DOCK1: variants seen among roughly 807,000 people sequenced by gnomAD.
The protein encoded by DOCK1 is dedicator of cytokinesis 1, also known as dedicator of cytokinesis protein 1.
A neutral mutation model predicts 262.7 loss-of-function variants in DOCK1; 138 were observed. That is an observed-to-expected ratio of 0.53 (90% CI 0.46 to 0.61). The LOEUF (loss-of-function observed/expected upper bound fraction) is 0.61. Among genes scored for constraint, DOCK1 ranks in the 20% least tolerant of loss-of-function variants. The pLI is 0.00. For missense variants in DOCK1, 1,908 were observed against 2,370.7 expected, an observed-to-expected ratio of 0.80 and a Z score of 4.05; for synonymous variants, 866 against 867.4, an observed-to-expected ratio of 1.00 and a Z score of 0.03.
chr10:127,138,027 AAGAG>A, intron 27 of DOCK1: 2 of 1,601,066 alleles, frequency 1.2e-6, no homozygotes, highest in South Asian at 1.1e-5. Flanking sequence ...CACACTAGAA[AAGAG>A]AGAGAGTGAA....
At chr10:126,969,244 G>A (rs1256295058) in intron 1 of DOCK1, among the ~76,000 whole-genome samples, 1 of 152,236 alleles carries the variant, frequency 6.6e-6, no homozygotes, top group Non-Finnish European at 1.5e-5. Context: ...AGAGCAGATC[G>A]TTTGCCAGAG....
intron 29 of DOCK1, among the ~76,000 whole-genome samples, chr10:127,262,988 C>T (rs2060228610): frequency 6.6e-6 from 1 of 152,196 alleles, no homozygotes; most frequent in Non-Finnish European, 1.5e-5. Flanking sequence ...CACCCCAGAG[C>T]CGTGCCTGAG....
At chr10:127,312,436 C>T (rs573677054) in intron 29 of DOCK1, among the ~76,000 whole-genome samples, 221 of 152,322 alleles carry the variant, frequency 1.5e-3, no homozygotes, top group Non-Finnish European at 2.6e-3. Flanking sequence ...TTCTGCAGGG[C>T]ACAGGCTGCT....
chr10:127,331,058 G>A (rs775209853), intron 29 of DOCK1, among the ~76,000 whole-genome samples: 8 of 151,438 alleles, frequency 5.3e-5, no homozygotes, highest in Non-Finnish European at 1.0e-4. Flanking sequence ...CGTGGAAACT[G>A]CAAAGAGGGA....
At chr10:127,025,067 G>A (rs887213252) in intron 15 of DOCK1, 3 of 249,996 alleles carry the variant, frequency 1.2e-5, no homozygotes, top group Non-Finnish European at 2.3e-5. Context: ...TGTTTTATGT[G>A]TGGCATGCTG....
chr10:127,158,665 A>G (rs1310311878), intron 27 of DOCK1, among the ~76,000 whole-genome samples: 1 of 152,124 alleles, frequency 6.6e-6, no homozygotes, highest in Non-Finnish European at 1.5e-5. Flanking sequence ...GTGGACAAAA[A>G]CCCTGACAGG....
At chr10:127,088,960 A>G (rs2047355228) in intron 23 of DOCK1, among the ~76,000 whole-genome samples, 1 of 152,082 alleles carries the variant, frequency 6.6e-6, no homozygotes, top group Admixed American at 6.5e-5. Flanking sequence ...TTAGTGCACC[A>G]GGGGTCTGGA....
chr10:126,970,804 ATC>A lies in DOCK1; in HGVS notation c.130+21_130+22del, dbSNP rs1419763624. 2.5e-6 allele frequency: 4 copies of A among 1,608,804 alleles called. No individual in the cohort carries two copies. The highest frequency in any genetic ancestry group is 8.5e-7 in the Non-Finnish European group (1 of 1,176,640). ...TATGAAGGTGCGTATGCATCTTGGT[ATC>A]TTTTCTCTTACATTTTGGGCAGATG... On this transcript the variant is annotated intron_variant, in intron 2 of 51. Coordinates refer to ENST00000623213, the MANE Select transcript of DOCK1 (RefSeq NM_001290223.2).
intron 33 of DOCK1, among the ~76,000 whole-genome samples, chr10:127,369,061 A>G (rs147621034): frequency 0.011 from 1,745 of 152,320 alleles, 11 homozygotes; most frequent in Non-Finnish European, 0.015. Flanking sequence ...GTATTAGAAC[A>G]TGAATAATCT....
intron 27 of DOCK1, among the ~76,000 whole-genome samples, chr10:127,247,174 A>G (rs1590106702): frequency 6.6e-6 from 1 of 152,160 alleles, no homozygotes; most frequent in African/African-American, 2.4e-5. Flanking sequence ...GGCTGCCTCC[A>G]TTTGCAACAG....
At chr10:127,435,676 G>GT (rs2069638836) in intron 48 of DOCK1, among the ~76,000 whole-genome samples, 1 of 152,204 alleles carries the variant, frequency 6.6e-6, no homozygotes, top group Admixed American at 6.5e-5. Flanking sequence ...AGACAGAAGA[G>GT]TGGTGAATTG....
At chr10:127,055,471 C>T (rs2045077553) in intron 22 of DOCK1, among the ~76,000 whole-genome samples, 1 of 152,212 alleles carries the variant, frequency 6.6e-6, no homozygotes, top group South Asian at 2.1e-4. Flanking sequence ...AACCATGTCA[C>T]ATGACCACCC....
chr10:127,319,582 G>A (rs2062430245), intron 29 of DOCK1, among the ~76,000 whole-genome samples: 1 of 152,138 alleles, frequency 6.6e-6, no homozygotes, highest in African/African-American at 2.4e-5. Context: ...GCCATATTCG[G>A]GTGGTAAAAT....
At chr10:126,970,477 A>G (rs1375967095) in intron 1 of DOCK1, among the ~76,000 whole-genome samples, 1 of 152,186 alleles carries the variant, frequency 6.6e-6, no homozygotes, top group Non-Finnish European at 1.5e-5. Flanking sequence ...ACTTATGGTC[A>G]TCTGGTGTCA....
intron 22 of DOCK1, among the ~76,000 whole-genome samples, chr10:127,054,213 GA>G (rs1216716211): frequency 6.6e-6 from 1 of 152,186 alleles, no homozygotes; most frequent in African/African-American, 2.4e-5. Context: ...TGTCTACCAT[GA>G]TAGTAATAAG....
intron 23 of DOCK1, among the ~76,000 whole-genome samples, chr10:127,085,133 C>G (rs1591962036): frequency 2.0e-5 from 3 of 152,302 alleles, no homozygotes; most frequent in Admixed American, 1.3e-4. Context: ...GGTTAAGAAT[C>G]CTTATCTTTT....
At chr10:127,267,267 G>A (rs944242293) in intron 29 of DOCK1, among the ~76,000 whole-genome samples, 2 of 152,176 alleles carry the variant, frequency 1.3e-5, no homozygotes, top group Non-Finnish European at 2.9e-5. Context: ...AATGCTACCT[G>A]TTCGAGTTCT....
chr10:127,238,310 A>C (rs1203143806), intron 27 of DOCK1, among the ~76,000 whole-genome samples: 1 of 152,190 alleles, frequency 6.6e-6, no homozygotes, highest in Non-Finnish European at 1.5e-5. Flanking sequence ...TGTGCTTAGC[A>C]TTCTACCTAA....
At chr10:127,228,904 T>A (rs1184040150) in intron 27 of DOCK1, among the ~76,000 whole-genome samples, 1 of 152,232 alleles carries the variant, frequency 6.6e-6, no homozygotes, top group Non-Finnish European at 1.5e-5. Context: ...TTCTCTCACA[T>A]ACTTATTTTT....
Sources: allele counts gnomAD v4.1 joint callset (sites outside exome capture counted in the v4.1 genomes callset), GRCh38; gene constraint gnomAD v4.1.1; transcripts MANE v1.5; gene names NCBI Gene and HGNC (gene_info 2026-07-23, HGNC 2026-07-21).